Variants in SH3BP5L observed in about 807,000 individuals in gnomAD.
SH3BP5L encodes the protein SH3 binding domain protein 5 like, also known as SH3 domain-binding protein 5-like.
SH3BP5L carries 16 observed loss-of-function variants against 40.9 expected under a neutral mutation model. The observed-to-expected ratio is 0.39, with a 90% confidence interval of 0.27 to 0.59. The LOEUF is 0.59. Among genes scored for constraint, SH3BP5L ranks in the 20% least tolerant of loss-of-function variants. The pLI is 0.53. For synonymous variants in SH3BP5L, 229 were observed against 226.7 expected (o/e 1.01, Z -0.09); for missense variants, 471 against 544.6 (o/e 0.86, Z 1.35).
At chr1:248,824,682 C>G in intron 2 of SH3BP5L, 71 bp downstream of exon 2, 1 of 1,556,324 alleles carries the variant, frequency 6.4e-7, no homozygotes, top group South Asian at 1.2e-5. Flanking sequence ...TCTAAGCCCT[C>G]ATTCATCCAA....
At chr1:248,822,566 C>T (rs576151539) in intron 2 of SH3BP5L, among the ~76,000 whole-genome samples, 47 of 152,356 alleles carry the variant, frequency 3.1e-4, no homozygotes, top group Non-Finnish European at 3.2e-4. Context: ...CTTACGCTAC[C>T]TCAGTGTACT....
rs1162316821 is a variant in SH3BP5L, at chr1:248,811,734, C to A, written c.*166G>T. 1.4e-5 allele frequency: 8 copies of A among 575,754 alleles called. No homozygotes were observed. Among genetic ancestry groups the A allele is most frequent in the South Asian group, 1.4e-4 (6 of 43,274 alleles). The allele number at this position is 575,754 out of a possible 1,614,324, so 35.7% of individuals were successfully genotyped here. On this transcript the variant is annotated 3_prime_UTR_variant, in exon 7 of 7. Coordinates refer to ENST00000366472, the MANE Select transcript of SH3BP5L (RefSeq NM_030645.3). ...GAGGGGAAGGGGGAGGCTGTGAGAA[C>A]GCCAGGGCAGGCACAGAGGACTCGA...
At chr1:248,817,349 C>T (rs1189631709) in intron 2 of SH3BP5L, among the ~76,000 whole-genome samples, 2 of 152,278 alleles carry the variant, frequency 1.3e-5, no homozygotes, top group Non-Finnish European at 2.9e-5. Flanking sequence ...CTCTCAGGAC[C>T]GTGAGACCTG....
chr1:248,811,758 G>C lies in SH3BP5L; in HGVS notation c.*142C>G, dbSNP rs868151144. 1.5e-6 allele frequency: 1 copy of C among 654,402 alleles called. No individual in the cohort carries two copies. 40.5% of individuals were successfully genotyped at this position (654,402 alleles called of 1,614,324 possible). A position where few individuals can be genotyped will look rare whatever the true frequency, so the allele number is the denominator to read the frequency against. ...ACGCCAGGGCAGGCACAGAGGACTCGAACACAGCTGGCCTCTCCCAGGGAA... is the reference window on the plus strand; with the variant it reads ...ACGCCAGGGCAGGCACAGAGGACTCCAACACAGCTGGCCTCTCCCAGGGAA... On this transcript the variant is annotated 3_prime_UTR_variant, in exon 7 of 7. Coordinates refer to ENST00000366472, the MANE Select transcript of SH3BP5L (RefSeq NM_030645.3).
At chr1:248,813,293 T>C (rs1280289547) in intron 5 of SH3BP5L, 131 bp from the exon 6 acceptor site, 2 of 975,834 alleles carry the variant, frequency 2.0e-6, no homozygotes, top group East Asian at 6.0e-5. Context: ...CCCAACTGTG[T>C]ACAGAGCCCG....
At chr1:248,817,092 C>T in intron 2 of SH3BP5L, 2 of 1,509,624 alleles carry the variant, frequency 1.3e-6, no homozygotes, top group South Asian at 1.2e-5. Context: ...GTAATCCTCA[C>T]AACTCTACCT....
At chr1:248,814,868 G>C (rs569754756) in intron 4 of SH3BP5L, 2 of 608,376 alleles carry the variant, frequency 3.3e-6, no homozygotes, top group East Asian at 3.4e-5. Context: ...AAGGCTGCTA[G>C]CCTTTTCCCC....
At chr1:248,823,627 G>A (rs1664305941) in intron 2 of SH3BP5L, among the ~76,000 whole-genome samples, 1 of 151,788 alleles carries the variant, frequency 6.6e-6, no homozygotes, top group South Asian at 2.1e-4. Flanking sequence ...TATAAGCATG[G>A]ACACAGTAGA....
intron 2 of SH3BP5L, among the ~76,000 whole-genome samples, 184 bp downstream of exon 2, chr1:248,824,569 C>T (rs904888578): frequency 1.3e-5 from 2 of 152,374 alleles, no homozygotes; most frequent in Middle Eastern, 6.8e-3. Flanking sequence ...TCCATCAGCA[C>T]TTCAGACACA....
Position 248,811,702 on chromosome 1 carries a change from G to A in SH3BP5L, c.*198C>T, listed in dbSNP as rs528380153. On this transcript the variant is annotated 3_prime_UTR_variant, in exon 7 of 7. Transcript: ENST00000366472. The stretch of plus-strand genomic sequence containing the variant: ...CTGAATGGGTAAGGCAAAGAGAGCC[G>A]CCTGCTGAGGGGAAGGGGGAGGCTG... 59 of 527,004 alleles carry A rather than the reference G, an allele frequency of 1.1e-4. 1 individual carries two copies. In the East Asian group the frequency reaches 1.9e-3, roughly 17 times the overall value. 32.6% of individuals were successfully genotyped at this position (527,004 alleles called of 1,614,324 possible).
chr1:248,824,701 A>G, intron 2 of SH3BP5L, 52 bp downstream of exon 2: 3 of 1,595,836 alleles, frequency 1.9e-6, no homozygotes, highest in Non-Finnish European at 2.6e-6. Flanking sequence ...AACACTCTTC[A>G]GGGAGGCTGG....
chr1:248,812,378 G>C lies in SH3BP5L; in HGVS notation c.712-8C>G. On this transcript the variant is annotated splice_polypyrimidine_tract_variant and splice_region_variant and intron_variant, in intron 6 of 6. Coordinates refer to ENST00000366472, the MANE Select transcript of SH3BP5L (RefSeq NM_030645.3). The surrounding 1 kb of genome is among the most constrained non-coding windows in gnomAD (Gnocchi z 6.1). ...CACCTTGGCCTTGTGCTCCTGCAGA[G>C]GGCAGAGCAGAGCAAGGCGACCCAT... 1 of 1,600,916 alleles carries C rather than the reference G, an allele frequency of 6.2e-7. No individual in the cohort carries two copies. The highest frequency in any genetic ancestry group is 1.1e-5 in the South Asian group (1 of 90,972).
intron 2 of SH3BP5L, among the ~76,000 whole-genome samples, chr1:248,819,279 C>T (rs1156707864): frequency 6.6e-6 from 1 of 151,830 alleles, no homozygotes; most frequent in South Asian, 2.1e-4. Flanking sequence ...TAAGGAGGGC[C>T]ACAAATCTGG....
chr1:248,824,294 A>G (rs1443832004), intron 2 of SH3BP5L, among the ~76,000 whole-genome samples: 1 of 152,212 alleles, frequency 6.6e-6, no homozygotes, highest in Non-Finnish European at 1.5e-5. Flanking sequence ...ACATCCCTGG[A>G]AGGTACCGCT....
chr1:248,819,560 G>T (rs921851677), intron 2 of SH3BP5L, among the ~76,000 whole-genome samples: 2 of 151,828 alleles, frequency 1.3e-5, no homozygotes, highest in Admixed American at 1.3e-4. Context: ...AAAAATAGCT[G>T]GGTATGGTGG....
In SH3BP5L at chr1:248,812,508, G is replaced by C. The variant is rs144337150; in HGVS notation, c.712-138C>G. On this transcript the variant is annotated intron_variant, in intron 6 of 6. Transcript: ENST00000366472. The surrounding 1 kb of genome is among the most constrained non-coding windows in gnomAD (Gnocchi z 6.1). The stretch of plus-strand genomic sequence containing the variant: ...CAGCATCCACCACAGACCCACAACA[G>C]CCTTCCCTGCTCCACTCTCAGCACC... The C allele has an allele frequency of 1.5e-6, 1 of 645,306 alleles. No individual in the cohort carries two copies. Among genetic ancestry groups the C allele is most frequent in the South Asian group, 1.8e-5 (1 of 55,262 alleles). The allele number at this position is 645,306 out of a possible 1,614,324, so 40.0% of individuals were successfully genotyped here.
Position 248,814,283 on chromosome 1 carries a change from T to C in SH3BP5L, c.537+166A>G, listed in dbSNP as rs548352913. The C allele has an allele frequency of 1.0e-4, 75 of 726,772 alleles. No homozygotes were observed. In the South Asian group the frequency reaches 1.2e-3, roughly 12 times the overall value. The allele number at this position is 726,772 out of a possible 1,614,324, so 45.0% of individuals were successfully genotyped here. On this transcript the variant is annotated intron_variant, in intron 5 of 6. Coordinates refer to ENST00000366472, the MANE Select transcript of SH3BP5L (RefSeq NM_030645.3). ...GAGGGAAATGGAATATGGGAAGCAA[T>C]GGAGGCCAAACAGAACAGAAAACTA...
chr1:248,817,915 G>A (rs1664149679), intron 2 of SH3BP5L, among the ~76,000 whole-genome samples: 1 of 152,182 alleles, frequency 6.6e-6, no homozygotes, highest in Non-Finnish European at 1.5e-5. Context: ...AGGTACCCTG[G>A]GCAGACAAGT....
At position 248,812,334 on chromosome 1, in the gene SH3BP5L, C is replaced by G. The variant is rs1278774429; in HGVS notation, c.748G>C (p.Val250Leu). The G allele has an allele frequency of 1.9e-6, 3 of 1,608,252 alleles. No homozygotes were observed. The highest frequency in any genetic ancestry group is 2.5e-6 in the Non-Finnish European group (3 of 1,179,964). ...KAKVTELEQQ[V>L]AQAKTRYSVA... ...GAGTAGCGCGTCTTGGCCTGAGCTA[C>G]CTGCTGCTCCAGTTCTGTCACCTTG... The change falls in exon 7 of 7, where the codon GTA becomes CTA. Residue 250 changes from valine (V) to leucine (L), a missense_variant. Physicochemically the swap from Val to Leu is conservative, Grantham distance 32 (BLOSUM62 1). Coordinates refer to ENST00000366472, the MANE Select transcript of SH3BP5L (RefSeq NM_030645.3). The surrounding 1 kb of genome is among the most constrained non-coding windows in gnomAD (Gnocchi z 6.1).
Sources: gnomAD v4.1 joint callset for allele counts (sites outside exome capture counted in the v4.1 genomes callset) on GRCh38, gnomAD v4.1.1 for gene constraint, Gnocchi (gnomAD v3.1) non-coding constraint, MANE v1.5 for transcripts, NCBI Gene and HGNC (gene_info 2026-07-23, HGNC 2026-07-21) for gene names.